The following MTUS2 variants were observed in gnomAD, a reference collection of about 807,000 sequenced individuals.
MTUS2 encodes microtubule-associated tumor suppressor candidate 2.
MTUS2 carries 40 observed loss-of-function variants against 114.1 expected under a neutral mutation model. The ratio of observed to expected loss-of-function variants is 0.35; its 90% CI spans 0.27 to 0.46. The LOEUF (loss-of-function observed/expected upper bound fraction) is 0.46. Ranked by LOEUF, MTUS2 falls within the 20% of genes least tolerant of loss-of-function variation. MTUS2 has a pLI of 1.00. For missense variants in MTUS2, 1,679 were observed against 1,705.4 expected, an observed-to-expected ratio of 0.98 and a Z score of 0.27; for synonymous variants, 688 against 672.0, an observed-to-expected ratio of 1.02 and a Z score of -0.37.
chr13:29,381,246 C>G (rs1056687017), intron 8 of MTUS2, among the ~76,000 whole-genome samples: 1 of 152,040 alleles, frequency 6.6e-6, no homozygotes, highest in African/African-American at 2.4e-5. Flanking sequence ...ATAAAGTAGA[C>G]TAGATAGAGT....
chr13:28,834,701 C>T lies in MTUS2; in HGVS notation c.-315-5077C>T, dbSNP rs189731572. ...CTTAATAAAAATTACAAAATTGTTT[C>T]CTTCAGAGGATATCATCAAGAAAGA... On this transcript the variant is annotated intron_variant, in intron 1 of 15. Transcript: ENST00000612955. Among the ~76,000 whole-genome samples, 36 of 152,136 alleles carry T rather than the reference C, an allele frequency of 2.4e-4. 1 individual carries two copies. The South Asian group carries it at 3.9e-3, about 17-fold the overall frequency.
chr13:29,218,200 G>A (rs979000991), intron 5 of MTUS2, among the ~76,000 whole-genome samples: 15 of 152,044 alleles, frequency 9.9e-5, no homozygotes, highest in African/African-American at 2.9e-4. Flanking sequence ...TTCATGGGGA[G>A]TAGATATTCA....
chr13:28,998,790 G>C (rs1313513078), intron 2 of MTUS2, among the ~76,000 whole-genome samples: 2 of 152,050 alleles, frequency 1.3e-5, no homozygotes, highest in Non-Finnish European at 1.5e-5. Context: ...TTATCTATTC[G>C]TCTAATTTTT....
intron 8 of MTUS2, among the ~76,000 whole-genome samples, chr13:29,375,622 T>TA (rs1213645448): frequency 5.2e-4 from 7 of 13,444 alleles, no homozygotes; most frequent in Admixed American, 1.5e-3. Flanking sequence ...TATATATATA[T>TA]ATATATATAT....
chr13:29,324,072 C>T (rs902461407), intron 6 of MTUS2, among the ~76,000 whole-genome samples: 18 of 152,270 alleles, frequency 1.2e-4, no homozygotes, highest in Admixed American at 7.8e-4. Context: ...GCAAGTTCCA[C>T]GAAGGCTTAG....
chr13:28,846,515 C>T (rs1042762456), intron 2 of MTUS2, among the ~76,000 whole-genome samples: 2 of 80,730 alleles, frequency 2.5e-5, no homozygotes, highest in Non-Finnish European at 5.9e-5. Flanking sequence ...CTTCTTTCCT[C>T]TTTAGGAGAA....
chr13:28,864,886 T>C (rs1877200578), intron 2 of MTUS2, among the ~76,000 whole-genome samples: 1 of 152,222 alleles, frequency 6.6e-6, no homozygotes, highest in Admixed American at 6.5e-5. Context: ...GTTTTTTTAA[T>C]ATTTGATTTT....
chr13:28,985,502 T>C (rs1390826605), intron 2 of MTUS2, among the ~76,000 whole-genome samples: 4 of 152,174 alleles, frequency 2.6e-5, no homozygotes, highest in Non-Finnish European at 5.9e-5. Flanking sequence ...ATAAATGCAT[T>C]TTATCAAAAT....
At chr13:29,012,806 A>C (rs993321925) in intron 2 of MTUS2, among the ~76,000 whole-genome samples, 2 of 151,976 alleles carry the variant, frequency 1.3e-5, no homozygotes, top group Admixed American at 6.6e-5. Flanking sequence ...CCCGGGAGGC[A>C]GAGGTTGCAG....
chr13:29,031,237 G>GGTAGGTGTGTGTGTGTGTGTGTGT (rs1555287204), intron 3 of MTUS2, among the ~76,000 whole-genome samples: 1 of 122,886 alleles, frequency 8.1e-6, no homozygotes, highest in Non-Finnish European at 1.7e-5. Flanking sequence ...AGAACTAATA[G>GGTAGGTGTGTGTGTGTGTGTGTGT]GTGTGTGTGT....
At chr13:28,856,906 A>G (rs1876663888) in intron 2 of MTUS2, among the ~76,000 whole-genome samples, 1 of 152,086 alleles carries the variant, frequency 6.6e-6, no homozygotes, top group South Asian at 2.1e-4. Context: ...CTCCAAACCA[A>G]AAAAGCAAGA....
chr13:29,377,374 A>G (rs1871833484), intron 8 of MTUS2, among the ~76,000 whole-genome samples: 1 of 152,184 alleles, frequency 6.6e-6, no homozygotes, highest in African/African-American at 2.4e-5. Context: ...ATTTAAAACA[A>G]TGAAATTGTA....
At chr13:29,380,845 A>G (rs1483030418) in intron 8 of MTUS2, among the ~76,000 whole-genome samples, 2 of 24,038 alleles carry the variant, frequency 8.3e-5, no homozygotes, top group African/African-American at 1.3e-4. Context: ...GAACCCGGGA[A>G]GTGGAGCTTG....
intron 9 of MTUS2, among the ~76,000 whole-genome samples, chr13:29,457,206 T>A (rs73444086): frequency 0.063 from 9,486 of 151,736 alleles, 333 homozygotes; most frequent in African/African-American, 0.085. Flanking sequence ...AATGTTCAGT[T>A]TGAGAAGTTT....
At chr13:29,034,464 T>C (rs532219511) in intron 4 of MTUS2, among the ~76,000 whole-genome samples, 3 of 152,304 alleles carry the variant, frequency 2.0e-5, no homozygotes, top group Admixed American at 2.0e-4. Flanking sequence ...AAGGGGTTAA[T>C]GTCATAACTG....
At chr13:29,233,086 T>C (rs528700922) in intron 5 of MTUS2, among the ~76,000 whole-genome samples, 35 of 152,328 alleles carry the variant, frequency 2.3e-4, no homozygotes, top group African/African-American at 7.7e-4. Context: ...GTGAAATTAT[T>C]CCATCATGTG....
intron 5 of MTUS2, among the ~76,000 whole-genome samples, chr13:29,234,286 C>G (rs1419117588): frequency 6.6e-6 from 1 of 152,140 alleles, no homozygotes; most frequent in African/African-American, 2.4e-5. Flanking sequence ...TCTGGACCCT[C>G]TCTCACCATG....
intron 5 of MTUS2, among the ~76,000 whole-genome samples, chr13:29,276,376 C>G (rs1898063489): frequency 1.3e-5 from 2 of 152,182 alleles, no homozygotes; most frequent in Non-Finnish European, 2.9e-5. Context: ...ATGAAGGGAT[C>G]TTACCTTGCA....
At chr13:28,985,034 T>A (rs187906124) in intron 2 of MTUS2, among the ~76,000 whole-genome samples, 40 of 152,342 alleles carry the variant, frequency 2.6e-4, no homozygotes, top group Non-Finnish European at 4.9e-4. Context: ...AGCAAATGTG[T>A]GGCTTTTATT....
Sources: allele counts gnomAD v4.1 joint callset (sites outside exome capture counted in the v4.1 genomes callset), GRCh38; gene constraint gnomAD v4.1.1; transcripts MANE v1.5; gene names NCBI Gene and HGNC (gene_info 2026-07-23, HGNC 2026-07-21).